The following ST8SIA6 variants were observed in gnomAD, a reference collection of about 807,000 sequenced individuals.
ST8SIA6 encodes ST8 alpha-N-acetyl-neuraminide alpha-2,8-sialyltransferase 6.
ST8SIA6 carries 39 observed loss-of-function variants against 33.6 expected under a neutral mutation model. That is an observed-to-expected ratio of 1.16 (90% CI 0.90 to 1.52). The LOEUF (loss-of-function observed/expected upper bound fraction) is 1.52. ST8SIA6 is among the 40% of genes most tolerant of loss of function. The pLI is 0.00. For missense variants in ST8SIA6, 441 were observed against 443.8 expected, an observed-to-expected ratio of 0.99 and a Z score of 0.06; for synonymous variants, 172 against 167.2, an observed-to-expected ratio of 1.03 and a Z score of -0.22.
chr10:17,445,397 A>G (rs191501699), intron 2 of ST8SIA6, among the ~76,000 whole-genome samples: 1 of 152,314 alleles, frequency 6.6e-6, no homozygotes, highest in Non-Finnish European at 1.5e-5. Flanking sequence ...TGGGGAAGAG[A>G]TATTATTAAC....
chr10:17,364,203 T>C (rs10795476), intron 3 of ST8SIA6, among the ~76,000 whole-genome samples: 31,021 of 152,166 alleles, frequency 0.2, 3,497 homozygotes, highest in East Asian at 0.5. Flanking sequence ...ATGTGCATTG[T>C]AGAATATGGA....
chr10:17,446,015 T>C (rs1588935334), intron 2 of ST8SIA6, among the ~76,000 whole-genome samples: 1 of 151,758 alleles, frequency 6.6e-6, no homozygotes, highest in Non-Finnish European at 1.5e-5. Context: ...GTAAATTTCA[T>C]GTTATGTGTA....
chr10:17,376,214 C>CT (rs1211303747), intron 3 of ST8SIA6, among the ~76,000 whole-genome samples: 1 of 152,192 alleles, frequency 6.6e-6, no homozygotes, highest in Non-Finnish European at 1.5e-5. Flanking sequence ...AGTAGCTACT[C>CT]TTTGAGCAGC....
chr10:17,334,207 C>G (rs553356282), intron 4 of ST8SIA6, among the ~76,000 whole-genome samples: 1 of 151,602 alleles, frequency 6.6e-6, no homozygotes, highest in East Asian at 1.9e-4. Flanking sequence ...ACACTAAAGA[C>G]AAAAAATGAG....
chr10:17,400,815 C>G (rs1851010510), intron 2 of ST8SIA6, among the ~76,000 whole-genome samples: 1 of 152,152 alleles, frequency 6.6e-6, no homozygotes, highest in Non-Finnish European at 1.5e-5. Context: ...AAACCCACAG[C>G]CAATATCATA....
At chr10:17,387,430 T>G (rs1035538397) in intron 3 of ST8SIA6, among the ~76,000 whole-genome samples, 1 of 67,354 alleles carries the variant, frequency 1.5e-5, no homozygotes, top group Admixed American at 1.9e-4. Flanking sequence ...TTTGTGTTTT[T>G]AGTCGGGGCG....
intron 4 of ST8SIA6, among the ~76,000 whole-genome samples, chr10:17,337,728 T>C (rs745834914): frequency 6.6e-6 from 1 of 152,190 alleles, no homozygotes; most frequent in Non-Finnish European, 1.5e-5. Context: ...CAGAATCAGT[T>C]CTGATCTTGG....
At chr10:17,388,530 AATT>A (rs891532767) in intron 3 of ST8SIA6, among the ~76,000 whole-genome samples, 1 of 152,162 alleles carries the variant, frequency 6.6e-6, no homozygotes, top group Non-Finnish European at 1.5e-5. Flanking sequence ...AGAGAAAGAG[AATT>A]ATTATTAGGA....
intron 2 of ST8SIA6, among the ~76,000 whole-genome samples, chr10:17,445,269 G>A (rs1179350230): frequency 6.6e-6 from 1 of 152,160 alleles, no homozygotes; most frequent in Non-Finnish European, 1.5e-5. Context: ...AGTAAACAGT[G>A]CCTGATTTTC....
intron 4 of ST8SIA6, among the ~76,000 whole-genome samples, chr10:17,346,837 G>C (rs902399770): frequency 6.6e-6 from 1 of 152,138 alleles, no homozygotes; most frequent in Non-Finnish European, 1.5e-5. Flanking sequence ...ATCTATCTAT[G>C]TATGTCTCTA....
chr10:17,406,040 A>T (rs1201542273), intron 2 of ST8SIA6, among the ~76,000 whole-genome samples: 1 of 152,204 alleles, frequency 6.6e-6, no homozygotes, highest in Non-Finnish European at 1.5e-5. Flanking sequence ...TGGAGTGGAG[A>T]CCCTGCTTAA....
intron 3 of ST8SIA6, among the ~76,000 whole-genome samples, chr10:17,363,572 G>A (rs921221837): frequency 6.6e-6 from 1 of 152,210 alleles, no homozygotes; most frequent in African/African-American, 2.4e-5. Context: ...TGGCATGGGT[G>A]TGAGGATCCT....
intron 2 of ST8SIA6, among the ~76,000 whole-genome samples, chr10:17,446,132 GTCC>G (rs1852698144): frequency 6.6e-6 from 1 of 152,080 alleles, no homozygotes; most frequent in Non-Finnish European, 1.5e-5. Context: ...AAATCTTTTA[GTCC>G]CTGAGGTGGA....
At chr10:17,427,304 C>A (rs1019507624) in intron 2 of ST8SIA6, among the ~76,000 whole-genome samples, 1 of 152,122 alleles carries the variant, frequency 6.6e-6, no homozygotes, top group Admixed American at 6.5e-5. Flanking sequence ...CTCATTAAGT[C>A]TTCTGGGGTG....
At chr10:17,373,558 C>G (rs1849801349) in intron 3 of ST8SIA6, among the ~76,000 whole-genome samples, 1 of 152,120 alleles carries the variant, frequency 6.6e-6, no homozygotes, top group Non-Finnish European at 1.5e-5. Context: ...CAATAAAGCC[C>G]TCCTTTCTAC....
chr10:17,445,936 G>C (rs972155277), intron 2 of ST8SIA6, among the ~76,000 whole-genome samples: 3 of 152,008 alleles, frequency 2.0e-5, no homozygotes, highest in Middle Eastern at 3.2e-3. Context: ...ATGTACTTCT[G>C]ACAGTCATGA....
At chr10:17,423,482 T>C (rs1304348227) in intron 2 of ST8SIA6, among the ~76,000 whole-genome samples, 1 of 152,346 alleles carries the variant, frequency 6.6e-6, no homozygotes, top group African/African-American at 2.4e-5. Flanking sequence ...CCTAGCACAG[T>C]GTGGGTTTAC....
At chr10:17,347,953 CAA>C (rs55996465) in intron 4 of ST8SIA6, among the ~76,000 whole-genome samples, 53 of 68,628 alleles carry the variant, frequency 7.7e-4, no homozygotes, top group Middle Eastern at 0.018. Context: ...GACTCTGTCT[CAA>C]AAAAAAAAAA....
At chr10:17,443,691 T>C (rs1177980820) in intron 2 of ST8SIA6, among the ~76,000 whole-genome samples, 3 of 152,190 alleles carry the variant, frequency 2.0e-5, no homozygotes, top group Non-Finnish European at 4.4e-5. Context: ...TCTGAGGACA[T>C]AGAAAAGATG....
Sources: allele counts gnomAD v4.1 joint callset (sites outside exome capture counted in the v4.1 genomes callset), GRCh38; gene constraint gnomAD v4.1.1; transcripts MANE v1.5; gene names NCBI Gene and HGNC (gene_info 2026-07-23, HGNC 2026-07-21).